The following ANKRD11 variants were observed in gnomAD, a reference collection of about 807,000 sequenced individuals.
ANKRD11 encodes the protein ankyrin repeat domain-containing protein 11.
A neutral mutation model predicts 195.7 loss-of-function variants in ANKRD11; 17 were observed. The ratio of observed to expected loss-of-function variants is 0.09; its 90% CI spans 0.06 to 0.13. The LOEUF is 0.13. Ranked by LOEUF, ANKRD11 falls within the 10% of genes least tolerant of loss-of-function variation. The probability of loss-of-function intolerance (pLI) is 1.00; values close to 1 mark genes in which losing one functional copy is unlikely to be tolerated. For synonymous variants in ANKRD11, 1,953 were observed against 1,528.1 expected (o/e 1.28, Z -6.49); for missense variants, 3,735 against 3,566.1 (o/e 1.05, Z -1.21).
At chr16:89,449,278 T>G (rs1280088350) in intron 1 of ANKRD11, among the ~76,000 whole-genome samples, 2 of 151,566 alleles carry the variant, frequency 1.3e-5, no homozygotes, top group Non-Finnish European at 2.9e-5. Context: ...GGTGGGAGGA[T>G]CACTCGAGGT....
chr16:89,318,281 A>G (rs2037085444), intron 2 of ANKRD11, among the ~76,000 whole-genome samples: 1 of 152,074 alleles, frequency 6.6e-6, no homozygotes, highest in Non-Finnish European at 1.5e-5. Context: ...AGGTTTGTTC[A>G]CCATCACAGC....
chr16:89,310,777 G>A (rs556587392), intron 3 of ANKRD11, among the ~76,000 whole-genome samples: 4 of 152,288 alleles, frequency 2.6e-5, no homozygotes, highest in African/African-American at 9.6e-5. Flanking sequence ...TGCATAATGG[G>A]TTTGCACTGG....
At chr16:89,434,612 T>C (rs1191944070) in intron 1 of ANKRD11, among the ~76,000 whole-genome samples, 1 of 152,194 alleles carries the variant, frequency 6.6e-6, no homozygotes, top group Non-Finnish European at 1.5e-5. Context: ...CGACAATCCA[T>C]GCCTATAAAT....
At chr16:89,410,527 C>G (rs1485500324) in intron 2 of ANKRD11, among the ~76,000 whole-genome samples, 1 of 152,132 alleles carries the variant, frequency 6.6e-6, no homozygotes, top group East Asian at 1.9e-4. Flanking sequence ...GAAACACCTG[C>G]CCCCGGGCTA....
Position 89,285,105 on chromosome 16 carries a change from C to T in ANKRD11, c.1437G>A (p.Ser479=), listed in dbSNP as rs764174089. The T allele has an allele frequency of 2.5e-5, 41 of 1,613,634 alleles. No individual in the cohort carries two copies. Among genetic ancestry groups the T allele is most frequent in the East Asian group, 1.6e-4 (7 of 44,898 alleles). Reference sequence around the variant, plus strand: ...TCTCTGAGGACTCGCTCTCCGACTCCGAGGAGCAGAACTTGTCGCTCCGCT... The same window carrying T: ...TCTCTGAGGACTCGCTCTCCGACTCTGAGGAGCAGAACTTGTCGCTCCGCT... ...FGKRSDKFCS[S]ESESESSESG... Residue 479 remains serine (S), a synonymous_variant, in exon 9 of 13, where the codon TCG becomes TCA. Transcript: ENST00000301030. This position sits in a 1 kb window ranked among gnomAD's most constrained non-coding sequence, Gnocchi z 5.6.
At chr16:89,428,737 T>C (rs1027194164) in intron 1 of ANKRD11, among the ~76,000 whole-genome samples, 9 of 147,530 alleles carry the variant, frequency 6.1e-5, no homozygotes, top group African/African-American at 2.3e-4. Flanking sequence ...CCACTAAAAA[T>C]ACAAAAATTA....
chr16:89,310,497 C>G (rs1428709501), intron 3 of ANKRD11, among the ~76,000 whole-genome samples: 1 of 152,224 alleles, frequency 6.6e-6, no homozygotes, highest in Non-Finnish European at 1.5e-5. Context: ...GGGATTTTGG[C>G]TGGCATTACA....
At chr16:89,415,828 T>C (rs1486801724) in intron 2 of ANKRD11, among the ~76,000 whole-genome samples, 2 of 21,722 alleles carry the variant, frequency 9.2e-5, no homozygotes, top group Admixed American at 5.0e-4. Context: ...AGACTCTGTC[T>C]CAAAAAAAAA....
chr16:89,412,561 C>G (rs932978246), intron 2 of ANKRD11: 8 of 152,200 alleles, frequency 5.3e-5, no homozygotes, highest in African/African-American at 1.9e-4. Flanking sequence ...AACCCAATTA[C>G]ATCTGGGAAG....
intron 2 of ANKRD11, among the ~76,000 whole-genome samples, chr16:89,398,276 C>T (rs561216623): frequency 8.6e-4 from 130 of 150,648 alleles, no homozygotes; most frequent in Non-Finnish European, 1.5e-3. Context: ...TGAAGATTAC[C>T]TGTGACCTCA....
At chr16:89,485,147 G>A (rs1205462908) in intron 1 of ANKRD11, among the ~76,000 whole-genome samples, 24 of 152,074 alleles carry the variant, frequency 1.6e-4, no homozygotes, top group Admixed American at 1.6e-3. Context: ...TTTTCACACT[G>A]AAAACCCTCT....
intron 3 of ANKRD11, among the ~76,000 whole-genome samples, chr16:89,309,933 C>A (rs1411465160): frequency 6.6e-6 from 1 of 152,232 alleles, no homozygotes; most frequent in Non-Finnish European, 1.5e-5. Flanking sequence ...GGCCACCTGG[C>A]TTCTCCTCCT....
At chr16:89,417,604 C>G (rs972766598) in intron 2 of ANKRD11, among the ~76,000 whole-genome samples, 2 of 152,202 alleles carry the variant, frequency 1.3e-5, no homozygotes, top group African/African-American at 4.8e-5. Context: ...ACCTGCCAAC[C>G]ATACACACTG....
chr16:89,389,292 T>C (rs895649111), intron 2 of ANKRD11, among the ~76,000 whole-genome samples: 9 of 152,122 alleles, frequency 5.9e-5, no homozygotes, highest in Admixed American at 5.2e-4. Context: ...CCTACAGTGC[T>C]GGGATTACAG....
At chr16:89,382,140 G>C (rs1376854513) in intron 2 of ANKRD11, among the ~76,000 whole-genome samples, 1 of 152,200 alleles carries the variant, frequency 6.6e-6, no homozygotes, top group East Asian at 1.9e-4. Flanking sequence ...GGCACACCCA[G>C]GGGACAGAGA....
rs189659269 is a variant in ANKRD11 at position 89,480,951 on chromosome 16, C to T, written c.-145+9294G>A. On this transcript the variant is annotated intron_variant, in intron 1 of 12. Transcript: ENST00000301030. ...GAATGTGGGCAAATCACACCAGTGA[C>T]GTCCACATCTGTCAAATGTCCCCAG... 1.3e-4 allele frequency among the ~76,000 whole-genome samples: 20 copies of T among 152,270 alleles called. No individual in the cohort carries two copies. The East Asian group carries it at 1.7e-3, about 13-fold the overall frequency.
At chr16:89,364,006 G>A (rs2039843036) in intron 2 of ANKRD11, among the ~76,000 whole-genome samples, 1 of 151,862 alleles carries the variant, frequency 6.6e-6, no homozygotes, top group African/African-American at 2.4e-5. Flanking sequence ...GGTGTGGTGA[G>A]CTATCATTGT....
At chr16:89,416,079 T>C (rs1458041418) in intron 2 of ANKRD11, among the ~76,000 whole-genome samples, 1 of 152,236 alleles carries the variant, frequency 6.6e-6, no homozygotes, top group Non-Finnish European at 1.5e-5. Context: ...TGAGGATCTA[T>C]AGTTCACAAA....
chr16:89,388,352 G>C (rs887896598), intron 2 of ANKRD11, among the ~76,000 whole-genome samples: 3 of 135,808 alleles, frequency 2.2e-5, no homozygotes, highest in South Asian at 2.3e-4. Context: ...GGCTGGTCTT[G>C]AACTCCTGAC....
Sources: allele counts gnomAD v4.1 joint callset (sites outside exome capture counted in the v4.1 genomes callset), GRCh38; gene constraint gnomAD v4.1.1; non-coding constraint Gnocchi (gnomAD v3.1); transcripts MANE v1.5; gene names NCBI Gene and HGNC (gene_info 2026-07-23, HGNC 2026-07-21).